The following CNTN6 variants were observed in gnomAD, a reference collection of about 807,000 sequenced individuals.
CNTN6 encodes contactin 6.
A neutral mutation model predicts 122.8 loss-of-function variants in CNTN6; 137 were observed. The ratio of observed to expected loss-of-function variants is 1.12; its 90% CI spans 0.97 to 1.29. The LOEUF is 1.29. Ranked by LOEUF, CNTN6 falls within the 50% of genes most tolerant of loss-of-function variation. The probability of loss-of-function intolerance (pLI) is 0.00; values close to 1 mark genes in which losing one functional copy is unlikely to be tolerated. For synonymous variants in CNTN6, 570 were observed against 426.0 expected (o/e 1.34, Z -4.16); for missense variants, 1,634 against 1,223.4 (o/e 1.34, Z -5.01).
At chr3:1,133,926 C>T (rs528935754) in intron 1 of CNTN6, among the ~76,000 whole-genome samples, 1 of 152,302 alleles carries the variant, frequency 6.6e-6, no homozygotes, top group Admixed American at 6.5e-5. Flanking sequence ...GATCTCACTA[C>T]AGCCCTTCCC....
intron 4 of CNTN6, among the ~76,000 whole-genome samples, chr3:1,229,041 C>T (rs1323000228): frequency 2.6e-5 from 4 of 152,170 alleles, no homozygotes; most frequent in African/African-American, 9.7e-5. Flanking sequence ...CACACATGCA[C>T]ACACATATAC....
chr3:1,402,496 G>C lies in CNTN6; in HGVS notation c.2986+10G>C. On this transcript the variant is annotated intron_variant, in intron 22 of 22. Transcript: ENST00000446702. ...ATTCCAAAAATGTCAAGTAAGTTGA[G>C]TCACCATTGCTGTAGTAGATTCTGA... is the stretch of plus-strand genomic sequence containing the variant. 6.2e-7 allele frequency: 1 copy of C among 1,602,360 alleles called. No individual in the cohort carries two copies.
chr3:1,174,934 G>A (rs9830516), intron 2 of CNTN6, among the ~76,000 whole-genome samples: 5,700 of 152,160 alleles, frequency 0.037, 325 homozygotes, highest in African/African-American at 0.13. Context: ...TCTATAATCA[G>A]TGTATTAAAA....
At chr3:1,197,778 A>T (rs1208812903) in intron 2 of CNTN6, among the ~76,000 whole-genome samples, 2 of 152,192 alleles carry the variant, frequency 1.3e-5, no homozygotes, top group Non-Finnish European at 2.9e-5. Flanking sequence ...CATCAAAAGG[A>T]TTAAATTACA....
At chr3:1,288,595 A>G (rs1490007697) in intron 5 of CNTN6, among the ~76,000 whole-genome samples, 2 of 152,170 alleles carry the variant, frequency 1.3e-5, no homozygotes, top group East Asian at 1.9e-4. Context: ...TCTTTATTCT[A>G]CTCATTTATT....
intron 8 of CNTN6, 141 bp from the exon 9 acceptor site, chr3:1,325,674 C>A: frequency 1.5e-6 from 1 of 683,710 alleles, no homozygotes; most frequent in Non-Finnish European, 2.3e-6. Flanking sequence ...TCCTGCATGT[C>A]CCCTCCCTCA....
rs142242319 is a variant in CNTN6 at position 1,377,484 on chromosome 3, C to T, written c.2166+409C>T. ...TTCACCTCTGATCAACTCATTCTTC[C>T]CTGCATCTAGATGAAAGCTTAGGCA... On this transcript the variant is annotated intron_variant, in intron 17 of 22. Transcript: ENST00000446702. 4.5e-4 allele frequency among the ~76,000 whole-genome samples: 69 copies of T among 152,250 alleles called. 1 individual carries two copies. In the East Asian group the frequency reaches 0.013, roughly 29 times the overall value.
chr3:1,123,946 G>A (rs2092059822), intron 1 of CNTN6, among the ~76,000 whole-genome samples: 2 of 151,928 alleles, frequency 1.3e-5, no homozygotes, highest in African/African-American at 4.8e-5. Flanking sequence ...ATGATCATAT[G>A]AGGTTTTCTC....
chr3:1,227,709 T>G, intron 3 of CNTN6, 109 bp from the exon 4 acceptor site: 7 of 1,146,326 alleles, frequency 6.1e-6, no homozygotes, highest in Middle Eastern at 2.1e-4. Context: ...CATGTAATCA[T>G]GTTTTTTGGT....
At chr3:1,159,814 G>A (rs1037986862) in intron 2 of CNTN6, among the ~76,000 whole-genome samples, 76 of 143,968 alleles carry the variant, frequency 5.3e-4, no homozygotes, top group Non-Finnish European at 1.0e-4. Context: ...GTAATCATTC[G>A]TTTGTTTTTC....
chr3:1,265,872 T>C (rs1199595174), intron 4 of CNTN6, among the ~76,000 whole-genome samples: 4 of 152,200 alleles, frequency 2.6e-5, no homozygotes, highest in Non-Finnish European at 5.9e-5. Flanking sequence ...TACTATGTTT[T>C]ATTTTTCCCA....
chr3:1,344,323 T>C (rs1048516864), intron 11 of CNTN6, among the ~76,000 whole-genome samples: 4 of 152,142 alleles, frequency 2.6e-5, no homozygotes, highest in Admixed American at 1.3e-4. Flanking sequence ...ACATCGTAGG[T>C]TGTCAGCTAC....
intron 20 of CNTN6, among the ~76,000 whole-genome samples, chr3:1,386,625 A>G (rs1692989093): frequency 6.6e-6 from 1 of 151,860 alleles, no homozygotes. Context: ...TTGTGGTTGA[A>G]TAATATTTAC....
intron 12 of CNTN6, among the ~76,000 whole-genome samples, chr3:1,369,143 C>T (rs1375613889): frequency 6.6e-6 from 1 of 152,198 alleles, no homozygotes; most frequent in African/African-American, 2.4e-5. Flanking sequence ...CCTCTCTCTA[C>T]CTGCTACCTT....
chr3:1,172,615 A>ACT (rs148092428), intron 2 of CNTN6, among the ~76,000 whole-genome samples: 1,652 of 76,798 alleles, frequency 0.022, 12 homozygotes, highest in African/African-American at 0.037. Flanking sequence ...GTCTGCAATA[A>ACT]CTCTCTGTGT....
At chr3:1,235,727 G>A (rs11914323) in intron 4 of CNTN6, among the ~76,000 whole-genome samples, 19,884 of 152,052 alleles carry the variant, frequency 0.13, 1,466 homozygotes, top group African/African-American at 0.19. Context: ...TGAAAGAACT[G>A]GATCACCGCT....
chr3:1,346,420 T>TTGCTCTCTTGAGAATAGATTTGTTCC (rs1359843423), intron 11 of CNTN6, among the ~76,000 whole-genome samples: 1 of 152,156 alleles, frequency 6.6e-6, no homozygotes, highest in South Asian at 2.1e-4. Context: ...GAGTGAGTTC[T>TTGCTCTCTTGAGAATAGATTTGTTCC]TGCTCTCTTG....
At chr3:1,220,854 C>G (rs2094198457) in intron 3 of CNTN6, 41 bp downstream of exon 3, 3 of 1,552,834 alleles carry the variant, frequency 1.9e-6, no homozygotes, top group Admixed American at 4.1e-5. Context: ...TTTGTTCTTC[C>G]TCACTGAACC....
At chr3:1,240,490 C>T (rs114061434) in intron 4 of CNTN6, among the ~76,000 whole-genome samples, 5 of 152,014 alleles carry the variant, frequency 3.3e-5, no homozygotes, top group Admixed American at 3.3e-4. Context: ...CTCCCTCCTG[C>T]AAGAATTGCC....
Sources: allele counts gnomAD v4.1 joint callset (sites outside exome capture counted in the v4.1 genomes callset), GRCh38; gene constraint gnomAD v4.1.1; transcripts MANE v1.5; gene names NCBI Gene and HGNC (gene_info 2026-07-23, HGNC 2026-07-21).